Variants in CPED1 observed in about 807,000 individuals in gnomAD.
CPED1 encodes cadherin-like and PC-esterase domain-containing protein 1.
A neutral mutation model predicts 128.2 loss-of-function variants in CPED1; 114 were observed. The ratio of observed to expected loss-of-function variants is 0.89; its 90% CI spans 0.76 to 1.04. The LOEUF (loss-of-function observed/expected upper bound fraction) is 1.04, where lower values mean the gene tolerates loss of function less well. Among genes scored for constraint, CPED1 ranks in the 50% least tolerant of loss-of-function variants. CPED1 has a pLI of 0.00. For missense variants in CPED1, 1,211 were observed against 1,207.1 expected, an observed-to-expected ratio of 1.00 and a Z score of -0.05; for synonymous variants, 462 against 426.7, an observed-to-expected ratio of 1.08 and a Z score of -1.02.
At chr7:121,046,632 A>G (rs1793207216) in intron 3 of CPED1, among the ~76,000 whole-genome samples, 1 of 151,938 alleles carries the variant, frequency 6.6e-6, no homozygotes, top group South Asian at 2.1e-4. Context: ...CTTTTAAATG[A>G]ATTTTATAAT....
chr7:121,056,988 T>C (rs1424650652), intron 4 of CPED1, among the ~76,000 whole-genome samples: 2 of 7,222 alleles, frequency 2.8e-4, no homozygotes, highest in Admixed American at 5.2e-3. Context: ...TCTTTTTTCT[T>C]TTTTTTTGAG....
At chr7:121,187,370 C>G (rs534562941) in intron 16 of CPED1, among the ~76,000 whole-genome samples, 1 of 152,104 alleles carries the variant, frequency 6.6e-6, no homozygotes, top group Non-Finnish European at 1.5e-5. Flanking sequence ...AGGTTTGTGG[C>G]AAGAAAGAGC....
chr7:121,130,104 A>G (rs2116333018), intron 11 of CPED1, 21 bp from the exon 12 acceptor site: 1 of 1,589,410 alleles, frequency 6.3e-7, no homozygotes, highest in Non-Finnish European at 8.6e-7. Flanking sequence ...CATAACTTAT[A>G]CTGATATTTT....
At chr7:121,212,211 A>G (rs781677919) in intron 16 of CPED1, among the ~76,000 whole-genome samples, 16 of 152,042 alleles carry the variant, frequency 1.1e-4, no homozygotes, top group Non-Finnish European at 2.1e-4. Context: ...TCAGTCCCCA[A>G]ATGCAACTAG....
chr7:121,282,887 C>T (rs1792490401), intron 22 of CPED1, among the ~76,000 whole-genome samples: 1 of 152,116 alleles, frequency 6.6e-6, no homozygotes, highest in African/African-American at 2.4e-5. Context: ...ATCTGAATTA[C>T]TCCATGTGTT....
chr7:121,213,371 T>A (rs1797689157), intron 16 of CPED1, among the ~76,000 whole-genome samples: 1 of 152,032 alleles, frequency 6.6e-6, no homozygotes, highest in Non-Finnish European at 1.5e-5. Context: ...CTGCAAAGGT[T>A]CAATGCCATA....
At chr7:121,162,085 C>G (rs1745144242) in intron 16 of CPED1, among the ~76,000 whole-genome samples, 1 of 152,126 alleles carries the variant, frequency 6.6e-6, no homozygotes, top group African/African-American at 2.4e-5. Context: ...AGTGGCAGAC[C>G]TGGGACTTAA....
chr7:121,224,579 A>T (rs1242553601), intron 16 of CPED1, among the ~76,000 whole-genome samples: 1 of 152,066 alleles, frequency 6.6e-6, no homozygotes, highest in Non-Finnish European at 1.5e-5. Context: ...TCCCATTATA[A>T]TGGTATGGAA....
At chr7:121,177,205 C>G (rs1563055550) in intron 16 of CPED1, among the ~76,000 whole-genome samples, 1 of 151,932 alleles carries the variant, frequency 6.6e-6, no homozygotes, top group Non-Finnish European at 1.5e-5. Context: ...GAGAGAGATG[C>G]AGGTTCCTTT....
At position 121,124,204 on chromosome 7, in the gene CPED1, G is replaced by C. The variant is rs142486946; in HGVS notation, c.919-127G>C. The C allele has an allele frequency of 5.2e-3, 3,363 of 644,986 alleles. 24 individuals carry two copies. The highest frequency in any genetic ancestry group is 6.8e-3 in the Non-Finnish European group (2,758 of 407,030). The allele number at this position is 644,986 out of a possible 1,614,324, so 40.0% of individuals were successfully genotyped here. A position where few individuals can be genotyped will look rare whatever the true frequency, so the allele number is the denominator to read the frequency against. Reference sequence around the variant, plus strand: ...TTAGATTACCAAACTTACTGATTAGGTGAGGGTGGGGTTTGGGTGTGACAA... The same window carrying C: ...TTAGATTACCAAACTTACTGATTAGCTGAGGGTGGGGTTTGGGTGTGACAA... On this transcript the variant is annotated intron_variant, in intron 7 of 22. Coordinates refer to ENST00000310396, the MANE Select transcript of CPED1 (RefSeq NM_024913.5).
chr7:121,184,240 G>T (rs1218418902), intron 16 of CPED1, among the ~76,000 whole-genome samples: 1 of 152,026 alleles, frequency 6.6e-6, no homozygotes, highest in African/African-American at 2.4e-5. Flanking sequence ...TTTTGATTTA[G>T]CCATTTTTTT....
intron 16 of CPED1, among the ~76,000 whole-genome samples, chr7:121,202,215 G>T (rs547197816): frequency 5.1e-4 from 78 of 152,240 alleles, no homozygotes; most frequent in Middle Eastern, 3.4e-3. Flanking sequence ...AATGCAGCAG[G>T]CTGAAGATCA....
intron 7 of CPED1, among the ~76,000 whole-genome samples, chr7:121,100,931 T>G (rs1794836263): frequency 6.6e-6 from 1 of 152,186 alleles, no homozygotes; most frequent in South Asian, 2.1e-4. Context: ...CCATCTTATT[T>G]TTTTATTTAG....
Position 121,266,454 on chromosome 7 carries a change from T to C in CPED1, c.2531+7T>C. ...TTGAACACCTCTTGCAAAGGTACAATGAAACTATAATGAAAGACACAAAAC... is the reference window on the plus strand; with the variant it reads ...TTGAACACCTCTTGCAAAGGTACAACGAAACTATAATGAAAGACACAAAAC... On this transcript the variant is annotated splice_region_variant and intron_variant, in intron 19 of 22. Transcript: ENST00000310396. 6 of 1,605,250 alleles carry C rather than the reference T, an allele frequency of 3.7e-6. No individual in the cohort carries two copies. Among genetic ancestry groups the C allele is most frequent in the Non-Finnish European group, 5.1e-6 (6 of 1,172,408 alleles).
chr7:121,251,665 A>G (rs1798675621), intron 18 of CPED1, among the ~76,000 whole-genome samples: 1 of 152,220 alleles, frequency 6.6e-6, no homozygotes, highest in South Asian at 2.1e-4. Flanking sequence ...ATTCTCGTAC[A>G]CCAATAACAG....
chr7:121,169,084 A>G (rs562115398), intron 16 of CPED1, among the ~76,000 whole-genome samples: 4 of 152,330 alleles, frequency 2.6e-5, no homozygotes, highest in Middle Eastern at 3.4e-3. Context: ...ATTACAAGCT[A>G]TTTAAAAATC....
In CPED1 at chr7:121,297,374, C is replaced by T. The variant is rs368248449; in HGVS notation, c.*1722C>T. On this transcript the variant is annotated 3_prime_UTR_variant, in exon 23 of 23. Coordinates refer to ENST00000310396, the MANE Select transcript of CPED1 (RefSeq NM_024913.5). ...GAGGTTACTCTGGTATTTATCTCTT[C>T]GCTGCTGAAATAATAATGGATTTTA... The T allele has an allele frequency of 9.9e-5, 15 of 151,952 alleles. 1 individual carries two copies. In the East Asian group the frequency reaches 1.2e-3, roughly 12 times the overall value. The allele number at this position is 151,952 out of a possible 1,614,324, so 9.4% of individuals were successfully genotyped here.
At position 121,224,875 on chromosome 7, in the gene CPED1, G is replaced by T. The variant is rs751231250; in HGVS notation, c.2056-11839G>T. ...TTTGATCCTATGTGTATCTCTGCAT[G>T]TGAGATGGGTCTCCTGAATACAGCA... On this transcript the variant is annotated intron_variant, in intron 16 of 22. Transcript: ENST00000310396. Among the ~76,000 whole-genome samples the T allele has an allele frequency of 1.6e-4, 21 of 133,204 alleles. No homozygotes were observed. In the East Asian group the frequency reaches 2.7e-3, roughly 17 times the overall value. 87.4% of individuals were successfully genotyped at this position (133,204 alleles called of 152,430 possible). A position where few individuals can be genotyped will look rare whatever the true frequency, so the allele number is the denominator to read the frequency against.
At chr7:121,168,687 T>C (rs1796587557) in intron 16 of CPED1, among the ~76,000 whole-genome samples, 1 of 152,236 alleles carries the variant, frequency 6.6e-6, no homozygotes, top group African/African-American at 2.4e-5. Context: ...TTATTCATTC[T>C]ATTTTTTTGT....
Sources: gnomAD v4.1 joint callset for allele counts (sites outside exome capture counted in the v4.1 genomes callset) on GRCh38, gnomAD v4.1.1 for gene constraint, MANE v1.5 for transcripts, NCBI Gene and HGNC (gene_info 2026-07-23, HGNC 2026-07-21) for gene names.